IMMP2L: variants seen among roughly 807,000 people sequenced by gnomAD.
IMMP2L encodes mitochondrial inner membrane protease subunit 2.
In IMMP2L, 18 loss-of-function variants were observed where a neutral mutation model predicts 19.3. The ratio of observed to expected loss-of-function variants is 0.93; its 90% CI spans 0.64 to 1.38. IMMP2L has a LOEUF of 1.38. Ranked by LOEUF, IMMP2L falls within the 40% of genes most tolerant of loss-of-function variation. The pLI is 0.00. For synonymous variants in IMMP2L, 76 were observed against 73.0 expected (o/e 1.04, Z -0.21); for missense variants, 233 against 218.2 (o/e 1.07, Z -0.43).
chr7:111,058,986 T>A (rs1793763181), intron 3 of IMMP2L, among the ~76,000 whole-genome samples: 1 of 152,056 alleles, frequency 6.6e-6, no homozygotes, highest in Non-Finnish European at 1.5e-5. Context: ...TTTTATTTAT[T>A]TATTTATTTA....
intron 3 of IMMP2L, among the ~76,000 whole-genome samples, chr7:111,300,778 A>G (rs1051443238): frequency 2.0e-5 from 3 of 152,170 alleles, no homozygotes; most frequent in Non-Finnish European, 4.4e-5. Context: ...TTCATGTATC[A>G]TACCTTTCCA....
At chr7:111,438,335 G>T (rs1471294168) in intron 3 of IMMP2L, among the ~76,000 whole-genome samples, 1 of 151,302 alleles carries the variant, frequency 6.6e-6, no homozygotes, top group Non-Finnish European at 1.5e-5. Flanking sequence ...TAAAATTATA[G>T]AACTACATTT....
intron 5 of IMMP2L, among the ~76,000 whole-genome samples, chr7:110,831,891 C>T (rs1272485386): frequency 6.6e-6 from 1 of 152,132 alleles, no homozygotes; most frequent in Non-Finnish European, 1.5e-5. Flanking sequence ...TTAGAGGCTT[C>T]GGTGAAAGTC....
chr7:111,071,590 A>G, intron 3 of IMMP2L, among the ~76,000 whole-genome samples: 1 of 152,218 alleles, frequency 6.6e-6, no homozygotes, highest in Admixed American at 6.5e-5. Context: ...TACAATGTGG[A>G]TGTATCTCAA....
At chr7:111,089,780 AG>A (rs1415425556) in intron 3 of IMMP2L, among the ~76,000 whole-genome samples, 1 of 152,032 alleles carries the variant, frequency 6.6e-6, no homozygotes, top group African/African-American at 2.4e-5. Flanking sequence ...AAATTCTTAT[AG>A]AAAAAAACAT....
chr7:111,015,665 A>G lies in IMMP2L; in HGVS notation c.240-52100T>C, dbSNP rs149325226. On this transcript the variant is annotated intron_variant, in intron 3 of 5. Coordinates refer to ENST00000405709, the MANE Select transcript of IMMP2L (RefSeq NM_032549.4). ...AGAAAGTAGATTGGCAGTTGCTTAG[A>G]GCTGAGGAAACTGGCGGTAAATGGA... Among the ~76,000 whole-genome samples, 267 of 152,238 alleles carry G rather than the reference A, an allele frequency of 1.8e-3. 1 individual carries two copies. Among genetic ancestry groups the G allele is most frequent in the African/African-American group, 5.3e-3 (219 of 41,554 alleles).
intron 3 of IMMP2L, among the ~76,000 whole-genome samples, chr7:111,165,248 G>A (rs762917528): frequency 7.2e-5 from 11 of 151,946 alleles, no homozygotes; most frequent in Admixed American, 3.3e-4. Flanking sequence ...GCATATGTCC[G>A]AACTTTCTTC....
At chr7:111,117,286 G>GT (rs1563261269) in intron 3 of IMMP2L, among the ~76,000 whole-genome samples, 1 of 152,116 alleles carries the variant, frequency 6.6e-6, no homozygotes, top group Non-Finnish European at 1.5e-5. Context: ...ATAGTATCAT[G>GT]TAAGTTTGGG....
intron 5 of IMMP2L, among the ~76,000 whole-genome samples, chr7:110,714,978 C>A (rs980571031): frequency 2.0e-5 from 3 of 152,050 alleles, no homozygotes; most frequent in African/African-American, 7.2e-5. Flanking sequence ...GTTTCAATTT[C>A]TTCCTGTTTT....
rs188785130 is a variant in IMMP2L, at chr7:110,739,110, T to C, written c.409-75389A>G. On this transcript the variant is annotated intron_variant, in intron 5 of 5. Coordinates refer to ENST00000405709, the MANE Select transcript of IMMP2L (RefSeq NM_032549.4). ...TGAAATACACCAAAATTGAAACTTC[T>C]TAAAGCATAAATCTCACAGGATCTA... 2.5e-3 allele frequency among the ~76,000 whole-genome samples: 384 copies of C among 152,286 alleles called. 2 individuals carry two copies. The highest frequency in any genetic ancestry group is 8.6e-3 in the African/African-American group (357 of 41,570).
intron 5 of IMMP2L, among the ~76,000 whole-genome samples, chr7:110,776,811 T>A (rs1404388643): frequency 6.6e-6 from 1 of 152,048 alleles, no homozygotes; most frequent in South Asian, 2.1e-4. Context: ...TTTCTCTTTA[T>A]GCCTCAAGTT....
chr7:111,312,204 G>A (rs1440570171), intron 3 of IMMP2L, among the ~76,000 whole-genome samples: 1 of 152,088 alleles, frequency 6.6e-6, no homozygotes, highest in East Asian at 1.9e-4. Context: ...GAAGAGGTTG[G>A]TTCCACAATA....
chr7:110,978,404 AT>A (rs1400389191), intron 3 of IMMP2L, among the ~76,000 whole-genome samples: 4 of 152,062 alleles, frequency 2.6e-5, no homozygotes, highest in Non-Finnish European at 5.9e-5. Context: ...CACAAATTGG[AT>A]TGTTGGAACT....
intron 4 of IMMP2L, among the ~76,000 whole-genome samples, chr7:110,949,902 C>T (rs916949187): frequency 1.3e-5 from 2 of 152,194 alleles, no homozygotes; most frequent in African/African-American, 4.8e-5. Flanking sequence ...CACCATTATG[C>T]AATATACCCA....
chr7:110,669,781 A>G (rs1013962608), intron 5 of IMMP2L, among the ~76,000 whole-genome samples: 2 of 152,228 alleles, frequency 1.3e-5, no homozygotes, highest in African/African-American at 4.8e-5. Context: ...GAAGCTTTCT[A>G]TCAGGATCAC....
chr7:111,032,883 G>A (rs2129569206), intron 3 of IMMP2L, among the ~76,000 whole-genome samples: 1 of 152,216 alleles, frequency 6.6e-6, no homozygotes, highest in African/African-American at 2.4e-5. Context: ...ACTTTGGGAA[G>A]CAGAGGTGGG....
At chr7:111,502,193 TAAACC>T (rs1844351661) in intron 2 of IMMP2L, among the ~76,000 whole-genome samples, 1 of 151,938 alleles carries the variant, frequency 6.6e-6, no homozygotes, top group Non-Finnish European at 1.5e-5. Flanking sequence ...AAACAGACTT[TAAACC>T]AACAAAGATC....
At chr7:111,119,554 T>G (rs1800329499) in intron 3 of IMMP2L, among the ~76,000 whole-genome samples, 1 of 152,230 alleles carries the variant, frequency 6.6e-6, no homozygotes, top group African/African-American at 2.4e-5. Context: ...TTTTAATCTC[T>G]GGATTTTAGT....
At position 111,381,386 on chromosome 7, in the gene IMMP2L, T is replaced by G. The variant is rs540821660; in HGVS notation, c.239+105852A>C. The stretch of plus-strand genomic sequence containing the variant: ...CCCTAGCCACGTGTCTACTGAGCAT[T>G]TGAAATGTGACCATGACCACAAGTT... On this transcript the variant is annotated intron_variant, in intron 3 of 5. Transcript: ENST00000405709. Among the ~76,000 whole-genome samples the G allele has an allele frequency of 1.1e-4, 16 of 151,994 alleles. No individual in the cohort carries two copies. The South Asian group carries it at 3.3e-3, about 31-fold the overall frequency.
Sources: gnomAD v4.1 joint callset for allele counts (sites outside exome capture counted in the v4.1 genomes callset) on GRCh38, gnomAD v4.1.1 for gene constraint, MANE v1.5 for transcripts, NCBI Gene and HGNC (gene_info 2026-07-23, HGNC 2026-07-21) for gene names.